LAMB3: variants seen among roughly 807,000 people sequenced by gnomAD.
The protein encoded by LAMB3 is laminin subunit beta-3.
A neutral mutation model predicts 140.3 loss-of-function variants in LAMB3; 104 were observed. The ratio of observed to expected loss-of-function variants is 0.74; its 90% CI spans 0.63 to 0.87. LAMB3 has a LOEUF of 0.87. Among genes scored for constraint, LAMB3 ranks in the 40% least tolerant of loss-of-function variants. The probability of loss-of-function intolerance (pLI) is 0.00; values close to 1 mark genes in which losing one functional copy is unlikely to be tolerated. For missense variants in LAMB3, 1,531 were observed against 1,575.2 expected (o/e 0.97, Z 0.47); for synonymous variants, 592 against 602.9 (o/e 0.98, Z 0.26).
chr1:209,626,063 C>T (rs1001342311), intron 13 of LAMB3, 37 bp from the exon 14 acceptor site: 1 of 1,604,606 alleles, frequency 6.2e-7, no homozygotes, highest in Non-Finnish European at 8.5e-7. Flanking sequence ...AGACAGGGGT[C>T]AGGGAGACAG....
chr1:209,618,191 G>T, intron 19 of LAMB3, 143 bp from the exon 20 acceptor site: 1 of 1,083,912 alleles, frequency 9.2e-7, no homozygotes, highest in African/African-American at 1.6e-5. Flanking sequence ...CAGTAGCTTT[G>T]ATGTCCCAGG....
intron 3 of LAMB3, among the ~76,000 whole-genome samples, chr1:209,646,701 C>T (rs557610290): frequency 1.3e-5 from 2 of 152,290 alleles, no homozygotes; most frequent in Non-Finnish European, 2.9e-5. Flanking sequence ...GATGGGGCAG[C>T]CTCTGCATGT....
chr1:209,643,297 A>C (rs182718210), intron 3 of LAMB3, among the ~76,000 whole-genome samples: 1 of 151,486 alleles, frequency 6.6e-6, no homozygotes, highest in Non-Finnish European at 1.5e-5. Context: ...AGAATCTCTC[A>C]TATGTGATAT....
chr1:209,646,503 C>A (rs561431079), intron 3 of LAMB3, among the ~76,000 whole-genome samples: 1 of 152,232 alleles, frequency 6.6e-6, no homozygotes, highest in African/African-American at 2.4e-5. Flanking sequence ...GGAGTCCTCA[C>A]CCCCAGTCTG....
intron 20 of LAMB3, 80 bp from the exon 21 acceptor site, chr1:209,617,666 A>T (rs1666023254): frequency 1.6e-5 from 25 of 1,529,742 alleles, no homozygotes. Flanking sequence ...TCTCCAACTC[A>T]TCAGGCAGCA....
intron 22 of LAMB3, among the ~76,000 whole-genome samples, chr1:209,615,975 T>C (rs1359954826): frequency 2.6e-5 from 4 of 152,104 alleles, no homozygotes; most frequent in African/African-American, 9.7e-5. Context: ...AGAACATATC[T>C]TGTTGGGGCT....
rs1558144940 is a variant in LAMB3 at position 209,614,934 on chromosome 1, C to A, written c.*337G>T. ...TTTATTTGGCTTTTCATTTTTACAT[C>A]ACTTTTGTTAAGTTTTTGTGCTTGG... On this transcript the variant is annotated 3_prime_UTR_variant, in exon 23 of 23. Coordinates refer to ENST00000356082, the MANE Select transcript of LAMB3 (RefSeq NM_000228.3). The A allele has an allele frequency of 4.2e-6, 1 of 237,496 alleles. No individual in the cohort carries two copies. Among genetic ancestry groups the A allele is most frequent in the East Asian group, 8.8e-5 (1 of 11,358 alleles). The allele number at this position is 237,496 out of a possible 1,614,324, so 14.7% of individuals were successfully genotyped here.
chr1:209,627,972 C>T, intron 11 of LAMB3, 63 bp downstream of exon 11: 6 of 1,534,300 alleles, frequency 3.9e-6, no homozygotes, highest in Middle Eastern at 1.7e-4. Flanking sequence ...GCAGGGCAAG[C>T]CGTGGGTCTG....
At chr1:209,650,200 G>A in intron 2 of LAMB3, 82 bp from the exon 3 acceptor site, 1 of 1,391,352 alleles carries the variant, frequency 7.2e-7, no homozygotes, top group Non-Finnish European at 1.0e-6. Flanking sequence ...CAGGGAAGCT[G>A]ACATTAGCAA....
intron 14 of LAMB3, among the ~76,000 whole-genome samples, chr1:209,624,876 GAGAGAGGA>G (rs1277002573): frequency 3.4e-4 from 38 of 113,140 alleles, no homozygotes; most frequent in African/African-American, 1.1e-3. Flanking sequence ...GAAAGAAAGA[GAGAGAGGA>G]AGGAAGGAAG....
Position 209,632,741 on chromosome 1 carries a change from T to A in LAMB3, c.664A>T (p.Thr222Ser). ...CTTTGGGGCACAGGGGCCAGCCTGG[T>A]GAAATTGACTCTCAAGTTTGTGATC... ...GEITNLRVNF[T>S]RLAPVPQRGY... The change falls in exon 8 of 23, where the codon ACC becomes TCC. Residue 222 changes from threonine to serine, a missense_variant. Thr to Ser is a moderately conservative substitution (Grantham distance 58). Coordinates refer to ENST00000356082, the MANE Select transcript of LAMB3 (RefSeq NM_000228.3). 6.8e-6 allele frequency: 11 copies of A among 1,614,194 alleles called. No individual in the cohort carries two copies. Among genetic ancestry groups the A allele is most frequent in the Non-Finnish European group, 9.3e-6 (11 of 1,180,032 alleles).
rs754806971 is a variant in LAMB3 at position 209,616,559 on chromosome 1, C to CA, written c.3293dup (p.Glu1100Ter). 6.2e-7 allele frequency: 1 copy of CA among 1,614,062 alleles called. No homozygotes were observed. Among genetic ancestry groups the CA allele is most frequent in the African/African-American group, 1.3e-5 (1 of 74,930 alleles). ...TCTGGATCCGGGCACCCTGCTCACCCAGCATGGAACTCTGACCCAACCGGT... is the reference window on the plus strand; with the variant it reads ...TCTGGATCCGGGCACCCTGCTCACCCAAGCATGGAACTCTGACCCAACCGGT... On this transcript the variant is annotated frameshift_variant, in exon 22 of 23. Transcript: ENST00000356082. LOFTEE classifies it high-confidence loss of function.
In LAMB3 at chr1:209,625,863, G is replaced by T. The variant is rs185451408; in HGVS notation, c.1761C>A (p.Thr587=). 74 of 1,614,106 alleles carry T rather than the reference G, an allele frequency of 4.6e-5. 1 individual carries two copies. In the Admixed American group the frequency reaches 1.2e-3, roughly 27 times the overall value. ...VCVACHPCFQ[T]YDADLREQAL... ...CCTGCTCCCGGAGGTCCGCATCATA[G>T]GTCTGGAAGCAAGGGTGGCAGGCCA... Residue 587 remains threonine, a synonymous_variant, in exon 14 of 23, where the codon ACC becomes ACA. Coordinates refer to ENST00000356082, the MANE Select transcript of LAMB3 (RefSeq NM_000228.3).
At position 209,638,023 on chromosome 1, in the gene LAMB3, C is replaced by T. The variant is rs775732591; in HGVS notation, c.299-42G>A. On this transcript the variant is annotated intron_variant, in intron 4 of 22. Transcript: ENST00000356082. ...TAGAAACTGTCATCCAGAGACTGTC[C>T]ACTTCCCCAGCCCTGAAGGAAGCCC... The T allele has an allele frequency of 5.3e-6, 8 of 1,523,362 alleles. No homozygotes were observed. The Admixed American group carries it at 1.1e-4, about 20-fold the overall frequency. The allele number at this position is 1,523,362 out of a possible 1,614,324, so 94.4% of individuals were successfully genotyped here. A position where few individuals can be genotyped will look rare whatever the true frequency, so the allele number is the denominator to read the frequency against.
At position 209,625,972 on chromosome 1, in the gene LAMB3, C is replaced by T. The variant is rs1233620661; in HGVS notation, c.1652G>A (p.Gly551Asp). ...TEGPGCDKASGRCLCRPGLTG... is the reference protein window; with the variant it reads ...TEGPGCDKASDRCLCRPGLTG... ...CAAGCCAGGGCGGCAGAGGCAGCGG[C>T]CTGATGCCTTGTCGCAGCCCGGGCC... The change falls in exon 14 of 23, where the codon GGC (glycine) becomes GAC (aspartate). Residue 551 changes from glycine to aspartate, a missense_variant. Gly to Asp is a moderately conservative substitution (Grantham distance 94). Transcript: ENST00000356082. The T allele has an allele frequency of 3.7e-6, 6 of 1,613,728 alleles. No individual in the cohort carries two copies. The East Asian group carries it at 1.3e-4, about 36-fold the overall frequency.
chr1:209,644,493 T>C (rs1278473895), intron 3 of LAMB3, among the ~76,000 whole-genome samples: 1 of 152,164 alleles, frequency 6.6e-6, no homozygotes, highest in Non-Finnish European at 1.5e-5. Context: ...TTTTGCAGAT[T>C]AGGAAAGTGA....
rs1224305194 is a variant in LAMB3, at chr1:209,650,911, A to G, written c.28+6T>C. The G allele has an allele frequency of 6.2e-7, 1 of 1,613,930 alleles. No individual in the cohort carries two copies. Among genetic ancestry groups the G allele is most frequent in the East Asian group, 2.2e-5 (1 of 44,884 alleles). On this transcript the variant is annotated splice_donor_region_variant and intron_variant, in intron 2 of 22. Coordinates refer to ENST00000356082, the MANE Select transcript of LAMB3 (RefSeq NM_000228.3). ...AGGGCCTGGAAGGATGGGAAGGGGT[A>G]CTTACCAAAACACAAGAGGAAGAAT...
chr1:209,639,297 C>T (rs984127801), intron 3 of LAMB3, among the ~76,000 whole-genome samples: 2 of 152,166 alleles, frequency 1.3e-5, no homozygotes, highest in African/African-American at 4.8e-5. Flanking sequence ...TCTGGAGTTA[C>T]AATAGGGAAC....
intron 8 of LAMB3, 98 bp from the exon 9 acceptor site, chr1:209,630,833 G>A: frequency 1.4e-6 from 2 of 1,419,090 alleles, no homozygotes; most frequent in Non-Finnish European, 2.0e-6. Flanking sequence ...CACCACTCAG[G>A]ATCTGGCTTA....
Sources: allele counts gnomAD v4.1 joint callset (sites outside exome capture counted in the v4.1 genomes callset), GRCh38; gene constraint gnomAD v4.1.1; transcripts MANE v1.5; gene names NCBI Gene and HGNC (gene_info 2026-07-23, HGNC 2026-07-21).